WDR93: variants seen among roughly 807,000 people sequenced by gnomAD.
The protein encoded by WDR93 is WD repeat domain 93, also known as WD repeat-containing protein 93.
WDR93 carries 73 observed loss-of-function variants against 82.9 expected under a neutral mutation model. The observed-to-expected ratio is 0.88, with a 90% confidence interval of 0.73 to 1.07. WDR93 has a LOEUF of 1.07. Ranked by LOEUF, WDR93 falls within the 50% of genes least tolerant of loss-of-function variation. The probability of loss-of-function intolerance (pLI) is 0.00; values close to 1 mark genes in which losing one functional copy is unlikely to be tolerated. For missense variants in WDR93, 738 were observed against 826.0 expected (o/e 0.89, Z 1.31); for synonymous variants, 283 against 300.1 (o/e 0.94, Z 0.59).
chr15:89,728,537 G>T (rs940236394), intron 9 of WDR93, among the ~76,000 whole-genome samples: 1 of 152,154 alleles, frequency 6.6e-6, no homozygotes, highest in Non-Finnish European at 1.5e-5. Flanking sequence ...AGATAATTAG[G>T]GTTTTGCAAG....
rs1964832397 is a variant in WDR93, at chr15:89,690,855, C to T, written c.-43C>T. The T allele has an allele frequency of 3.7e-6, 2 of 546,388 alleles. No homozygotes were observed. The highest frequency in any genetic ancestry group is 6.6e-5 in the Admixed American group (2 of 30,124). The allele number at this position is 546,388 out of a possible 1,614,324, so 33.8% of individuals were successfully genotyped here. On this transcript the variant is annotated splice_region_variant and 5_prime_UTR_variant, in exon 1 of 17. Transcript: ENST00000268130. ...CCAAGGCGACGCAACGCCGCCCGGC[C>T]AGGTGAGCAAAACTGATCTTACCTT...
At chr15:89,694,445 C>T (rs772004686) in intron 1 of WDR93, among the ~76,000 whole-genome samples, 1 of 152,028 alleles carries the variant, frequency 6.6e-6, no homozygotes, top group Non-Finnish European at 1.5e-5. Flanking sequence ...CCATGTTACC[C>T]AGGATGGTCT....
chr15:89,738,313 T>A, intron 16 of WDR93, 77 bp downstream of exon 16: 1 of 1,457,564 alleles, frequency 6.9e-7, no homozygotes, highest in African/African-American at 1.4e-5. Flanking sequence ...GTTTCTTTCA[T>A]GGTAAATCCT....
chr15:89,709,679 TGG>T (rs1965874558), intron 4 of WDR93, among the ~76,000 whole-genome samples: 1 of 152,112 alleles, frequency 6.6e-6, no homozygotes, highest in Non-Finnish European at 1.5e-5. Context: ...CTTGAACTCC[TGG>T]ACCCAAGCAG....
chr15:89,709,860 T>TAAA (rs5814398), intron 4 of WDR93, among the ~76,000 whole-genome samples: 7 of 149,348 alleles, frequency 4.7e-5, no homozygotes, highest in South Asian at 2.1e-4. Flanking sequence ...GTATTTGTAA[T>TAAA]AAAAAAAAAA....
At chr15:89,741,046 A>G (rs906100546) in intron 16 of WDR93, among the ~76,000 whole-genome samples, 4 of 152,050 alleles carry the variant, frequency 2.6e-5, no homozygotes, top group Admixed American at 2.6e-4. Context: ...AGGCTGAGGT[A>G]GGAGAATTGC....
At chr15:89,703,187 G>A in intron 3 of WDR93, 45 bp downstream of exon 3, 1 of 1,604,066 alleles carries the variant, frequency 6.2e-7, no homozygotes, top group Non-Finnish European at 8.5e-7. Context: ...ACAGGTACCT[G>A]TAGACTGTTG....
At chr15:89,723,775 T>C (rs1394064039) in intron 8 of WDR93, among the ~76,000 whole-genome samples, 1 of 152,138 alleles carries the variant, frequency 6.6e-6, no homozygotes, top group African/African-American at 2.4e-5. Context: ...CAATAAGTGG[T>C]GGTGGCTGTT....
chr15:89,708,630 T>A (rs1380060400), intron 4 of WDR93, among the ~76,000 whole-genome samples: 1 of 152,142 alleles, frequency 6.6e-6, no homozygotes, highest in Non-Finnish European at 1.5e-5. Context: ...AGAAAGGACA[T>A]CAAGGAGGTG....
chr15:89,743,582 C>T lies in WDR93; in HGVS notation c.*191C>T, dbSNP rs1967843832. 1.7e-6 allele frequency: 1 copy of T among 596,362 alleles called. No homozygotes were observed. Among genetic ancestry groups the T allele is most frequent in the South Asian group, 2.0e-5 (1 of 49,264 alleles). 36.9% of individuals were successfully genotyped at this position (596,362 alleles called of 1,614,324 possible). Reference sequence around the variant, plus strand: ...GACCTTCAACCACTAAGCCTCTTGTCAGAGCCCTCAGGCAGGCAGATGTGT... The same window carrying T: ...GACCTTCAACCACTAAGCCTCTTGTTAGAGCCCTCAGGCAGGCAGATGTGT... On this transcript the variant is annotated 3_prime_UTR_variant, in exon 17 of 17. Coordinates refer to ENST00000268130, the MANE Select transcript of WDR93 (RefSeq NM_020212.2).
intron 12 of WDR93, among the ~76,000 whole-genome samples, chr15:89,732,014 A>G (rs1360575720): frequency 6.6e-6 from 1 of 152,218 alleles, no homozygotes; most frequent in African/African-American, 2.4e-5. Context: ...CCTATAAAGC[A>G]GTCAAAGTGA....
In WDR93 at chr15:89,727,015, A is replaced by G. The variant is rs1303473902; in HGVS notation, c.881-142A>G. On this transcript the variant is annotated intron_variant, in intron 8 of 16. Transcript: ENST00000268130. ...TACAGGAGAGGCCGGGAGAAGACTG[A>G]ATACAGACCAATTGCAGAGCAAGAA... The G allele has an allele frequency of 4.3e-6, 4 of 919,930 alleles. No homozygotes were observed. In the African/African-American group the frequency reaches 6.7e-5, roughly 15 times the overall value. 57.0% of individuals were successfully genotyped at this position (919,930 alleles called of 1,614,324 possible). A position where few individuals can be genotyped will look rare whatever the true frequency, so the allele number is the denominator to read the frequency against.
chr15:89,725,132 G>T (rs1006481074), intron 8 of WDR93, among the ~76,000 whole-genome samples: 1 of 152,186 alleles, frequency 6.6e-6, no homozygotes, highest in Non-Finnish European at 1.5e-5. Context: ...GGAAACATGT[G>T]CATGAATGGT....
Position 89,731,470 on chromosome 15 carries a change from C to T in WDR93, c.1238C>T (p.Ala413Val), listed in dbSNP as rs769503514. 1.9e-6 allele frequency: 3 copies of T among 1,614,030 alleles called. No individual in the cohort carries two copies. Among genetic ancestry groups the T allele is most frequent in the African/African-American group, 1.3e-5 (1 of 74,916 alleles). ...ADPEGVWPCA[A>V]PIAVSQLSCS... ...CCCGAGGGTGTGTGGCCCTGTGCTG[C>T]GCCCATTGCAGTCTCTCAGCTCAGC... The change falls in exon 12 of 17, where the codon GCG (alanine) becomes GTG (valine). Residue 413 changes from alanine (A) to valine (V), a missense_variant. Physicochemically the swap from Ala to Val is moderately conservative, Grantham distance 64. Transcript: ENST00000268130.
chr15:89,731,343 C>T, intron 11 of WDR93, 100 bp from the exon 12 acceptor site: 2 of 1,548,636 alleles, frequency 1.3e-6, no homozygotes, highest in Non-Finnish European at 1.8e-6. Flanking sequence ...TTCCCATTCC[C>T]TGAACAGGCA....
intron 16 of WDR93, among the ~76,000 whole-genome samples, 156 bp downstream of exon 16, chr15:89,738,392 C>T (rs1407327118): frequency 6.6e-6 from 1 of 152,060 alleles, no homozygotes; most frequent in Non-Finnish European, 1.5e-5. Context: ...TTTGGGAGTC[C>T]GAGGCAGGCG....
At chr15:89,697,079 C>T (rs762075797) in intron 1 of WDR93, among the ~76,000 whole-genome samples, 14 of 152,114 alleles carry the variant, frequency 9.2e-5, no homozygotes, top group Admixed American at 2.6e-4. Context: ...AGCAATCCTC[C>T]TACCTCACCT....
At chr15:89,701,445 T>G (rs1965459915) in intron 1 of WDR93, among the ~76,000 whole-genome samples, 1 of 152,190 alleles carries the variant, frequency 6.6e-6, no homozygotes, top group Non-Finnish European at 1.5e-5. Flanking sequence ...TCTGCCCTCC[T>G]ATCAACAAGG....
At chr15:89,709,996 T>C (rs1965896930) in intron 4 of WDR93, among the ~76,000 whole-genome samples, 1 of 151,780 alleles carries the variant, frequency 6.6e-6, no homozygotes, top group Non-Finnish European at 1.5e-5. Flanking sequence ...CCGTCTCTAC[T>C]AAAAATACAA....
Sources: allele counts gnomAD v4.1 joint callset (sites outside exome capture counted in the v4.1 genomes callset), GRCh38; gene constraint gnomAD v4.1.1; transcripts MANE v1.5; gene names NCBI Gene and HGNC (gene_info 2026-07-23, HGNC 2026-07-21).